The following SFSWAP variants were observed in gnomAD, a reference collection of about 807,000 sequenced individuals.
The protein encoded by SFSWAP is splicing factor SWAP, also known as splicing factor, suppressor of white-apricot homolog.
SFSWAP carries 17 observed loss-of-function variants against 100.7 expected under a neutral mutation model. The observed-to-expected ratio is 0.17, with a 90% CI of 0.12 to 0.25. SFSWAP has a LOEUF of 0.25. SFSWAP is among the 10% of genes least tolerant of loss of function. The pLI is 1.00. For missense variants in SFSWAP, 1,005 were observed against 1,262.6 expected (o/e 0.80, Z 3.09); for synonymous variants, 504 against 510.1 (o/e 0.99, Z 0.16).
intron 13 of SFSWAP, 76 bp downstream of exon 13, chr12:131,766,384 C>A: frequency 7.4e-7 from 1 of 1,353,682 alleles, no homozygotes; most frequent in Non-Finnish European, 1.0e-6. Flanking sequence ...CTCCCTCCAG[C>A]TGCCCTAGTC....
intron 11 of SFSWAP, among the ~76,000 whole-genome samples, chr12:131,758,500 G>A (rs1026998742): frequency 2.6e-5 from 4 of 152,116 alleles, no homozygotes; most frequent in East Asian, 3.8e-4. Context: ...TCCAAAGTTC[G>A]GGAGACACAG....
At chr12:131,760,336 A>G (rs990279450) in intron 11 of SFSWAP, among the ~76,000 whole-genome samples, 1 of 152,198 alleles carries the variant, frequency 6.6e-6, no homozygotes, top group Non-Finnish European at 1.5e-5. Flanking sequence ...AATCAATACA[A>G]AAAGACAGTC....
rs1328203786 is a variant in SFSWAP at position 131,794,516 on chromosome 12, AAC to A, written c.2535-2660_2535-2659del. On this transcript the variant is annotated intron_variant, in intron 15 of 17. Transcript: ENST00000261674. The surrounding 1 kb of genome is among the most constrained non-coding windows in gnomAD (Gnocchi z 4.8). Reference sequence around the variant, plus strand: ...TATGCCCCTGCACTCCAGTTTGGGCAACAGAGGGAAACTGAGAAACAAACAAC... The same window carrying A: ...TATGCCCCTGCACTCCAGTTTGGGCAAGAGGGAAACTGAGAAACAAACAAC... 1.3e-5 allele frequency among the ~76,000 whole-genome samples: 2 copies of A among 152,224 alleles called. No homozygotes were observed. Among genetic ancestry groups the A allele is most frequent in the Non-Finnish European group, 2.9e-5 (2 of 68,036 alleles).
chr12:131,755,517 G>A (rs1413870520), intron 10 of SFSWAP, 38 bp downstream of exon 10: 2 of 1,468,292 alleles, frequency 1.4e-6, no homozygotes, highest in Non-Finnish European at 1.9e-6. Context: ...GAAGCTCTTA[G>A]AGGTGGCTCC....
At chr12:131,763,366 A>G (rs754080283) in intron 11 of SFSWAP, among the ~76,000 whole-genome samples, 1 of 152,190 alleles carries the variant, frequency 6.6e-6, no homozygotes, top group African/African-American at 2.4e-5. Flanking sequence ...TGCCTTGAAT[A>G]TTCTTCATAA....
At chr12:131,713,021 A>C (rs1565998293) in intron 1 of SFSWAP, 1 of 152,188 alleles carries the variant, frequency 6.6e-6, no homozygotes, top group Non-Finnish European at 1.5e-5. Flanking sequence ...AATTTAATGA[A>C]ATGCAGTAAC....
chr12:131,762,434 A>C (rs1319157415), intron 11 of SFSWAP, among the ~76,000 whole-genome samples: 1 of 152,156 alleles, frequency 6.6e-6, no homozygotes, highest in African/African-American at 2.4e-5. Flanking sequence ...TAAAATGTAA[A>C]ATGAAATAAG....
Position 131,725,661 on chromosome 12 carries a change from C to A in SFSWAP, c.832+31C>A. On this transcript the variant is annotated intron_variant, in intron 5 of 17. Transcript: ENST00000261674. This position sits in a 1 kb window ranked among gnomAD's most constrained non-coding sequence, Gnocchi z 4.3. The stretch of plus-strand genomic sequence containing the variant: ...TCCCACTGCGTCTGTTCCGTCCAGA[C>A]TTTGGGCCTGTGTTGTGGGGGCGGC... The A allele has an allele frequency of 6.4e-7, 1 of 1,552,164 alleles. No individual in the cohort carries two copies. Among genetic ancestry groups the A allele is most frequent in the Non-Finnish European group, 8.8e-7 (1 of 1,132,918 alleles).
rs1878920066 is a variant in SFSWAP, at chr12:131,725,894, A to G, written c.832+264A>G. On this transcript the variant is annotated intron_variant, in intron 5 of 17. Coordinates refer to ENST00000261674, the MANE Select transcript of SFSWAP (RefSeq NM_004592.4). This position sits in a 1 kb window ranked among gnomAD's most constrained non-coding sequence, Gnocchi z 4.3. ...ATATTGATGCTGTCAGAACATAATCATCTGGGTGGGAAATTTTTGCCCTCA... is the reference window on the plus strand; with the variant it reads ...ATATTGATGCTGTCAGAACATAATCGTCTGGGTGGGAAATTTTTGCCCTCA... Among the ~76,000 whole-genome samples the G allele has an allele frequency of 6.6e-6, 1 of 152,174 alleles. No individual in the cohort carries two copies. The highest frequency in any genetic ancestry group is 2.4e-5 in the African/African-American group (1 of 41,436).
In SFSWAP at chr12:131,782,546, G is replaced by A. The variant is rs141848775; in HGVS notation, c.2409-3917G>A. 5.3e-3 allele frequency among the ~76,000 whole-genome samples: 801 copies of A among 152,238 alleles called. 3 individuals are homozygous for A. The highest frequency in any genetic ancestry group is 9.0e-3 in the Non-Finnish European group (610 of 68,010). ...ACAGACCTAATTGATCATTTTTCAT[G>A]ACTGCTGCCAGCCCACAGTAGAATA... On this transcript the variant is annotated intron_variant, in intron 14 of 17. Transcript: ENST00000261674.
intron 7 of SFSWAP, among the ~76,000 whole-genome samples, chr12:131,738,885 C>CTTTTTTTTTTTTTTTTTGT (rs1880309166): frequency 2.1e-5 from 1 of 48,718 alleles, no homozygotes; most frequent in Non-Finnish European, 4.1e-5. Context: ...GAACATTATT[C>CTTTTTTTTTTTTTTTTTGT]TTTTTTTTTT....
chr12:131,795,728 G>C (rs1337479632), intron 15 of SFSWAP, among the ~76,000 whole-genome samples: 1 of 151,682 alleles, frequency 6.6e-6, no homozygotes, highest in African/African-American at 2.4e-5. Context: ...TTCGTGGCAC[G>C]CAGAATCATA....
At chr12:131,767,767 G>C (rs553977819) in intron 13 of SFSWAP, among the ~76,000 whole-genome samples, 1 of 152,260 alleles carries the variant, frequency 6.6e-6, no homozygotes, top group Non-Finnish European at 1.5e-5. Flanking sequence ...TCGCTTATAA[G>C]TGGGAGCTAA....
At chr12:131,790,630 T>C (rs971607221) in intron 15 of SFSWAP, among the ~76,000 whole-genome samples, 2 of 152,194 alleles carry the variant, frequency 1.3e-5, no homozygotes, top group Non-Finnish European at 2.9e-5. Context: ...GACCAAATCT[T>C]CTGGTAGCAC....
rs1877318279 is a variant in SFSWAP, at chr12:131,711,387, C to T, written c.158C>T (p.Ala53Val). The change falls in exon 1 of 18, where the codon GCT becomes GTT. Residue 53 changes from alanine to valine, a missense_variant. Physicochemically the swap from Ala to Val is moderately conservative, Grantham distance 64. Transcript: ENST00000261674. The surrounding 1 kb of genome is among the most constrained non-coding windows in gnomAD (Gnocchi z 4.9). Reference sequence around the variant, plus strand: ...TTCCGGGACGACGAGCGGGCCCTGGCTCAGGAACAGGGACAGCACCTCATC... The same window carrying T: ...TTCCGGGACGACGAGCGGGCCCTGGTTCAGGAACAGGGACAGCACCTCATC... ...KLFRDDERAL[A>V]QEQGQHLIPW... 6.2e-7 allele frequency: 1 copy of T among 1,613,936 alleles called. No homozygotes were observed. The highest frequency in any genetic ancestry group is 1.1e-5 in the South Asian group (1 of 91,090).
rs981831508 is a variant in SFSWAP at position 131,725,292 on chromosome 12, G to T, written c.607-113G>T. 4.6e-6 allele frequency: 4 copies of T among 874,380 alleles called. No homozygotes were observed. Among genetic ancestry groups the T allele is most frequent in the South Asian group, 3.0e-5 (2 of 66,646 alleles). The allele number at this position is 874,380 out of a possible 1,614,324, so 54.2% of individuals were successfully genotyped here. On this transcript the variant is annotated intron_variant, in intron 4 of 17. Transcript: ENST00000261674. This position sits in a 1 kb window ranked among gnomAD's most constrained non-coding sequence, Gnocchi z 4.3. ...CTGGGCTCTTCCAGCTTAAAGTCTC[G>T]TATCTCTTAAAATTGACAGTAAAAC...
At position 131,734,076 on chromosome 12, in the gene SFSWAP, A is replaced by G. The variant is rs1879770721; in HGVS notation, c.1081+5648A>G. ...GCCCACCCTGTGGCACTGAGACCCA[A>G]CAGCTCAGGTGACAGTGACACCTGC... On this transcript the variant is annotated intron_variant, in intron 7 of 17. Transcript: ENST00000261674. The surrounding 1 kb of genome is among the most constrained non-coding windows in gnomAD (Gnocchi z 4.9). Among the ~76,000 whole-genome samples, 1 of 152,180 alleles carries G rather than the reference A, an allele frequency of 6.6e-6. No homozygotes were observed. The highest frequency in any genetic ancestry group is 6.5e-5 in the Admixed American group (1 of 15,286).
At chr12:131,723,834 C>G (rs775549618) in intron 4 of SFSWAP, among the ~76,000 whole-genome samples, 1 of 152,234 alleles carries the variant, frequency 6.6e-6, no homozygotes, top group East Asian at 1.9e-4. Flanking sequence ...TAGCCCCCTT[C>G]CGGGGCTCTG....
chr12:131,716,646 T>C (rs1183878845), intron 3 of SFSWAP, among the ~76,000 whole-genome samples: 1 of 152,236 alleles, frequency 6.6e-6, no homozygotes, highest in Non-Finnish European at 1.5e-5. Flanking sequence ...AACAAAGTTT[T>C]ATTGGAACAC....
Sources: allele counts gnomAD v4.1 joint callset (sites outside exome capture counted in the v4.1 genomes callset), GRCh38; gene constraint gnomAD v4.1.1; non-coding constraint Gnocchi (gnomAD v3.1); transcripts MANE v1.5; gene names NCBI Gene and HGNC (gene_info 2026-07-23, HGNC 2026-07-21).